The following TAF4B variants were observed in gnomAD, a reference collection of about 807,000 sequenced individuals.
TAF4B encodes TATA-box binding protein associated factor 4b.
In TAF4B, 38 loss-of-function variants were observed where a neutral mutation model predicts 86.4. The ratio of observed to expected loss-of-function variants is 0.44; its 90% confidence interval spans 0.34 to 0.58. The LOEUF (loss-of-function observed/expected upper bound fraction) is 0.58, where lower values mean the gene tolerates loss of function less well. Ranked by LOEUF, TAF4B falls within the 20% of genes least tolerant of loss-of-function variation. The probability of loss-of-function intolerance (pLI) is 0.02; values close to 1 mark genes in which losing one functional copy is unlikely to be tolerated. For missense variants in TAF4B, 988 were observed against 1,027.6 expected (o/e 0.96, Z 0.53); for synonymous variants, 388 against 391.2 (o/e 0.99, Z 0.10).
At chr18:26,263,790 T>C (rs1376564069) in intron 1 of TAF4B, among the ~76,000 whole-genome samples, 2 of 151,650 alleles carry the variant, frequency 1.3e-5, no homozygotes, top group Non-Finnish European at 2.9e-5. Context: ...CATAGCTCAT[T>C]GCAGCCTCGA....
At chr18:26,244,381 C>T (rs780893983) in intron 1 of TAF4B, among the ~76,000 whole-genome samples, 22 of 152,208 alleles carry the variant, frequency 1.4e-4, no homozygotes, top group Admixed American at 5.2e-4. Context: ...GAGCCAGGCG[C>T]GTGATATAAT....
chr18:26,327,263 C>T lies in TAF4B; in HGVS notation c.2259+123C>T, dbSNP rs79455866. On this transcript the variant is annotated intron_variant, in intron 12 of 14. Coordinates refer to ENST00000269142, the MANE Select transcript of TAF4B (RefSeq NM_005640.3). ...GATTTCTCCAGAGGATTTCCTAAAA[C>T]GAAATTACTAATAGGATGTCTCACA... 5,290 of 1,202,184 alleles carry T rather than the reference C, an allele frequency of 4.4e-3. 177 individuals are homozygous for T. The African/African-American group carries it at 0.071, about 16-fold the overall frequency. The allele number at this position is 1,202,184 out of a possible 1,614,324, so 74.5% of individuals were successfully genotyped here. A position where few individuals can be genotyped will look rare whatever the true frequency, so the allele number is the denominator to read the frequency against.
At chr18:26,385,995 G>A (rs937673625) in intron 14 of TAF4B, among the ~76,000 whole-genome samples, 1 of 152,142 alleles carries the variant, frequency 6.6e-6, no homozygotes, top group Non-Finnish European at 1.5e-5. Flanking sequence ...GAATAAAAAT[G>A]CTATATATTT....
At chr18:26,386,709 C>T (rs1003398790) in intron 14 of TAF4B, among the ~76,000 whole-genome samples, 1 of 152,128 alleles carries the variant, frequency 6.6e-6, no homozygotes, top group African/African-American at 2.4e-5. Context: ...TTTTGTGATA[C>T]TCTTTCATGT....
intron 14 of TAF4B, among the ~76,000 whole-genome samples, chr18:26,361,613 C>T (rs779348579): frequency 6.6e-6 from 1 of 151,572 alleles, no homozygotes; most frequent in African/African-American, 2.4e-5. Context: ...GGCGTGGTGT[C>T]ATGTGCCTGT....
intron 1 of TAF4B, chr18:26,256,323 C>T (rs1489197936): frequency 1.4e-5 from 21 of 1,450,794 alleles, no homozygotes; most frequent in Non-Finnish European, 1.9e-5. Context: ...GCCCTCTATA[C>T]TTCGGTACAT....
intron 1 of TAF4B, among the ~76,000 whole-genome samples, chr18:26,261,865 A>G (rs1419551244): frequency 6.6e-6 from 1 of 152,096 alleles, no homozygotes; most frequent in Non-Finnish European, 1.5e-5. Context: ...TTAGCCTTGA[A>G]CTTCTCCACT....
intron 1 of TAF4B, among the ~76,000 whole-genome samples, chr18:26,235,134 G>C (rs1489164568): frequency 5.3e-5 from 8 of 152,126 alleles, no homozygotes; most frequent in Admixed American, 3.9e-4. Context: ...AAGGCTTAAG[G>C]CTGGAGCTTG....
At chr18:26,371,380 T>C (rs956393287) in intron 14 of TAF4B, among the ~76,000 whole-genome samples, 31 of 152,186 alleles carry the variant, frequency 2.0e-4, no homozygotes, top group African/African-American at 7.0e-4. Flanking sequence ...CTTATTTCTC[T>C]ATTCATGAGG....
At chr18:26,261,080 G>T (rs1329906831) in intron 1 of TAF4B, among the ~76,000 whole-genome samples, 2 of 151,614 alleles carry the variant, frequency 1.3e-5, no homozygotes, top group African/African-American at 2.4e-5. Context: ...AAAAGGTCTG[G>T]CTAGACTGTT....
chr18:26,261,922 G>C (rs1057280664), intron 1 of TAF4B, among the ~76,000 whole-genome samples: 3 of 152,154 alleles, frequency 2.0e-5, no homozygotes, highest in Admixed American at 6.5e-5. Flanking sequence ...TGGGAGCAGA[G>C]GTCGGGACTG....
rs75239132 is a variant in TAF4B, at chr18:26,278,952, C to T, written c.883-3019C>T. On this transcript the variant is annotated intron_variant, in intron 5 of 14. Transcript: ENST00000269142. Reference sequence around the variant, plus strand: ...ATATTGAATGGGCAGAAGCTCGAACCATTTCCCTTGAGAATTGGAACAAGA... The same window carrying T: ...ATATTGAATGGGCAGAAGCTCGAACTATTTCCCTTGAGAATTGGAACAAGA... 5.0e-3 allele frequency among the ~76,000 whole-genome samples: 761 copies of T among 151,812 alleles called. 3 individuals carry two copies. In the Middle Eastern group the frequency reaches 0.059, roughly 12 times the overall value.
At position 26,386,761 on chromosome 18, in the gene TAF4B, A is replaced by G. The variant is rs1319646857; in HGVS notation, c.2422-3084A>G. On this transcript the variant is annotated intron_variant, in intron 14 of 14. Transcript: ENST00000269142. ...CTGTGTATTATTCCATGGTATGACT[A>G]TTCCACAATTTATTGTACTCTTAAT... Among the ~76,000 whole-genome samples the G allele has an allele frequency of 3.9e-5, 6 of 152,150 alleles. No individual in the cohort carries two copies. The South Asian group carries it at 8.3e-4, about 21-fold the overall frequency.
rs141557476 is a variant in TAF4B at position 26,247,205 on chromosome 18, C to T, written c.344-17965C>T. ...TGTCAGCTATATTGTCTCTAAAATA[C>T]GGTTAATACCTTCTGAAAAATATCA... On this transcript the variant is annotated intron_variant, in intron 1 of 14. Transcript: ENST00000269142. Among the ~76,000 whole-genome samples the T allele has an allele frequency of 2.9e-3, 447 of 152,242 alleles. 4 individuals are homozygous for T. Among genetic ancestry groups the T allele is most frequent in the African/African-American group, 1.0e-2 (414 of 41,542 alleles).
chr18:26,350,692 AAAAC>A lies in TAF4B; in HGVS notation c.2317-6990_2317-6987del, dbSNP rs1273131026. On this transcript the variant is annotated intron_variant, in intron 13 of 14. Coordinates refer to ENST00000269142, the MANE Select transcript of TAF4B (RefSeq NM_005640.3). ...CCCTGTTTCTAGAAAAAGAAAATTAAAAACAAACAAATGGGCAAATGATCAGAAT... is the reference window on the plus strand; with the variant it reads ...CCCTGTTTCTAGAAAAAGAAAATTAAAAACAAATGGGCAAATGATCAGAAT... Among the ~76,000 whole-genome samples the A allele has an allele frequency of 5.3e-5, 8 of 152,186 alleles. No individual in the cohort carries two copies. The East Asian group carries it at 9.6e-4, about 18-fold the overall frequency.
chr18:26,277,337 T>C (rs1038636749), intron 5 of TAF4B, among the ~76,000 whole-genome samples: 3 of 152,150 alleles, frequency 2.0e-5, no homozygotes, highest in Admixed American at 2.0e-4. Context: ...CATCCCACCT[T>C]GGCCTGGCGA....
chr18:26,280,976 A>G lies in TAF4B; in HGVS notation c.883-995A>G, dbSNP rs1159356260. Reference sequence around the variant, plus strand: ...ATGGAATACTACACAACCATAAAAAAGAACAAGATCATGTTTTTTGTAGCA... The same window carrying G: ...ATGGAATACTACACAACCATAAAAAGGAACAAGATCATGTTTTTTGTAGCA... On this transcript the variant is annotated intron_variant, in intron 5 of 14. Transcript: ENST00000269142. 3.3e-5 allele frequency among the ~76,000 whole-genome samples: 5 copies of G among 152,230 alleles called. No individual in the cohort carries two copies. In the East Asian group the frequency reaches 9.6e-4, roughly 29 times the overall value.
chr18:26,324,693 TCTGA>T (rs1385482284), intron 11 of TAF4B, among the ~76,000 whole-genome samples: 1 of 152,212 alleles, frequency 6.6e-6, no homozygotes, highest in Non-Finnish European at 1.5e-5. Flanking sequence ...TACTACCTAT[TCTGA>T]CTGATTTTCC....
chr18:26,300,696 G>A (rs896678197), intron 9 of TAF4B, among the ~76,000 whole-genome samples: 25 of 152,138 alleles, frequency 1.6e-4, no homozygotes, highest in South Asian at 4.2e-4. Context: ...AGAAAAATAC[G>A]TATTATTCAG....
Sources: gnomAD v4.1 joint callset for allele counts (sites outside exome capture counted in the v4.1 genomes callset) on GRCh38, gnomAD v4.1.1 for gene constraint, MANE v1.5 for transcripts, NCBI Gene and HGNC (gene_info 2026-07-23, HGNC 2026-07-21) for gene names.